Variants in COLEC11 observed in about 807,000 individuals in gnomAD.
The protein encoded by COLEC11 is collectin subfamily member 11, also known as collectin-11.
Under a neutral mutation model 27.3 loss-of-function variants are expected in COLEC11, and 20 were observed. The ratio of observed to expected loss-of-function variants is 0.73; its 90% CI spans 0.51 to 1.06. The LOEUF (loss-of-function observed/expected upper bound fraction) is 1.06, where lower values mean the gene tolerates loss of function less well. Ranked by LOEUF, COLEC11 falls within the 50% of genes least tolerant of loss-of-function variation. The pLI, the probability that COLEC11 is intolerant of heterozygous loss-of-function variation, is 0.00. For synonymous variants in COLEC11, 163 were observed against 154.7 expected (o/e 1.05, Z -0.40); for missense variants, 310 against 383.0 (o/e 0.81, Z 1.59).
intron 3 of COLEC11, among the ~76,000 whole-genome samples, chr2:3,620,480 C>G (rs1488854165): frequency 6.7e-6 from 1 of 149,604 alleles, no homozygotes; most frequent in Middle Eastern, 3.4e-3. Flanking sequence ...TTTTTTTTTG[C>G]CTTTTCAAAA....
In COLEC11 at chr2:3,641,779, G is replaced by A. The variant is rs978281716; in HGVS notation, c.328+1448G>A. Among the ~76,000 whole-genome samples, 3 of 152,298 alleles carry A rather than the reference G, an allele frequency of 2.0e-5. 1 individual carries two copies. Among genetic ancestry groups the A allele is most frequent in the South Asian group, 4.1e-4 (2 of 4,830 alleles). ...GTTTGGGCTCTACGTGATTGCCGAC[G>A]TCCAGAAAGAGGGATTGAACTTCTA... On this transcript the variant is annotated intron_variant, in intron 5 of 6. Coordinates refer to ENST00000349077, the MANE Select transcript of COLEC11 (RefSeq NM_024027.5).
chr2:3,606,073 C>T, intron 2 of COLEC11: 9 of 1,549,294 alleles, frequency 5.8e-6, no homozygotes, highest in Non-Finnish European at 7.9e-6. Context: ...GTGAAAGTGG[C>T]TTTGGCCCTG....
In COLEC11 at chr2:3,617,483, A is replaced by G. The variant is rs1004934273; in HGVS notation, c.202+4101A>G. The G allele has an allele frequency of 1.9e-5, 27 of 1,391,964 alleles. 1 individual carries two copies. Among genetic ancestry groups the G allele is most frequent in the East Asian group, 1.8e-4 (8 of 43,888 alleles). The allele number at this position is 1,391,964 out of a possible 1,614,324, so 86.2% of individuals were successfully genotyped here. On this transcript the variant is annotated intron_variant, in intron 3 of 6. Transcript: ENST00000349077. Reference sequence around the variant, plus strand: ...TGCATCTTACAAAGCTAAACAGCTAAAAGAAGTAAAATAAGAAGGCAATGC... The same window carrying G: ...TGCATCTTACAAAGCTAAACAGCTAGAAGAAGTAAAATAAGAAGGCAATGC...
At chr2:3,611,414 C>T (rs975812979) in intron 2 of COLEC11, among the ~76,000 whole-genome samples, 3 of 152,216 alleles carry the variant, frequency 2.0e-5, no homozygotes, top group Non-Finnish European at 4.4e-5. Context: ...CTCCATTCAC[C>T]GATTGCACAG....
chr2:3,641,798 ACTT>A (rs571302408), intron 5 of COLEC11, among the ~76,000 whole-genome samples: 54 of 152,216 alleles, frequency 3.5e-4, no homozygotes, highest in African/African-American at 1.2e-3. Flanking sequence ...GAGGGATTGA[ACTT>A]CTACAGGATA....
chr2:3,595,494 T>C (rs1181857577), intron 1 of COLEC11, among the ~76,000 whole-genome samples: 2 of 152,248 alleles, frequency 1.3e-5, no homozygotes, highest in Non-Finnish European at 2.9e-5. Flanking sequence ...CAGTCTTCGC[T>C]AATTCCAAAC....
At chr2:3,619,397 G>T (rs1316882698) in intron 3 of COLEC11, among the ~76,000 whole-genome samples, 1 of 152,164 alleles carries the variant, frequency 6.6e-6, no homozygotes, top group Non-Finnish European at 1.5e-5. Flanking sequence ...TATGATGTTA[G>T]CTGTGGACTT....
In COLEC11 at chr2:3,602,154, C is replaced by A. The variant is rs1228883000; in HGVS notation, c.-26-2161C>A. The stretch of plus-strand genomic sequence containing the variant: ...ACGGGGCTGTTGATGTGGGAAGCCC[C>A]CCACCACAGATGGCCTTTCTCTAGC... On this transcript the variant is annotated intron_variant, in intron 1 of 6. Transcript: ENST00000349077. This position sits in a 1 kb window ranked among gnomAD's most constrained non-coding sequence, Gnocchi z 6.2. 2 of 152,214 alleles carry A rather than the reference C, an allele frequency of 1.3e-5. No individual in the cohort carries two copies. Among genetic ancestry groups the A allele is most frequent in the Admixed American group, 1.3e-4 (2 of 15,280 alleles). 9.4% of individuals were successfully genotyped at this position (152,214 alleles called of 1,614,324 possible). A position where few individuals can be genotyped will look rare whatever the true frequency, so the allele number is the denominator to read the frequency against.
Position 3,644,080 on chromosome 2 carries a change from A to G in COLEC11, c.778A>G (p.Met260Val), listed in dbSNP as rs1424717283. The G allele has an allele frequency of 7.4e-6, 12 of 1,613,484 alleles. No individual in the cohort carries two copies. Among genetic ancestry groups the G allele is most frequent in the Non-Finnish European group, 1.0e-5 (12 of 1,180,030 alleles). ...GWNDVACHTTMYFMCEFDKEN... is the reference protein window; with the variant it reads ...GWNDVACHTTVYFMCEFDKEN... ...GAACGACGTGGCCTGCCACACCACC[A>G]TGTACTTCATGTGTGAGTTTGACAA... Residue 260 changes from methionine (M) to valine (V), a missense_variant, in exon 7 of 7, where the codon ATG becomes GTG. Transcript: ENST00000349077.
chr2:3,597,210 T>G (rs571997367), intron 1 of COLEC11, among the ~76,000 whole-genome samples: 1 of 151,360 alleles, frequency 6.6e-6, no homozygotes, highest in African/African-American at 2.4e-5. Flanking sequence ...CGGCCTGGGC[T>G]GCTCCGGGGT....
intron 4 of COLEC11, among the ~76,000 whole-genome samples, chr2:3,639,860 G>A (rs1665712513): frequency 1.3e-5 from 2 of 151,536 alleles, no homozygotes; most frequent in Non-Finnish European, 1.5e-5. Context: ...ACCGACTCTT[G>A]GATTAGATGA....
At chr2:3,638,730 G>A (rs900368593) in intron 4 of COLEC11, among the ~76,000 whole-genome samples, 4 of 152,340 alleles carry the variant, frequency 2.6e-5, no homozygotes, top group African/African-American at 7.2e-5. Flanking sequence ...TCCCTGCCAC[G>A]GCCAATGCAG....
At chr2:3,605,018 C>G (rs1475132322) in intron 2 of COLEC11, 2 of 470,162 alleles carry the variant, frequency 4.3e-6, no homozygotes, top group Non-Finnish European at 8.8e-6. Flanking sequence ...AGAGATAGTT[C>G]TGCAGGTGAG....
At position 3,637,570 on chromosome 2, in the gene COLEC11, TC is replaced by T. The variant is rs1558517363; in HGVS notation, c.241del (p.Arg81ValfsTer20). On this transcript the variant is annotated frameshift_variant, in exon 4 of 7. Transcript: ENST00000349077. LOFTEE classifies it high-confidence loss of function. ...GDKGQKGSVG[R>X]HGKIGPIGSK... ...ACAAAGGACAGAAAGGCAGTGTGGG[TC>T]GTCATGGAAAAATTGGTCCCATTGG... The T allele has an allele frequency of 5.6e-6, 9 of 1,614,100 alleles. No individual in the cohort carries two copies. Among genetic ancestry groups the T allele is most frequent in the Non-Finnish European group, 7.6e-6 (9 of 1,180,002 alleles).
intron 3 of COLEC11, among the ~76,000 whole-genome samples, chr2:3,626,413 C>G (rs1010363258): frequency 6.6e-6 from 1 of 151,996 alleles, no homozygotes; most frequent in Admixed American, 6.5e-5. Context: ...TTTTTCTGTA[C>G]CTGTAAAATG....
Position 3,634,756 on chromosome 2 carries a change from G to A in COLEC11, c.203-2777G>A, listed in dbSNP as rs371551727. On this transcript the variant is annotated intron_variant, in intron 3 of 6. Transcript: ENST00000349077. ...AGGCTGCCGTGGAGAGGGATTCAGA[G>A]GAGGGCAGGGCTGGCCCCCTGACGA... Among the ~76,000 whole-genome samples the A allele has an allele frequency of 1.7e-4, 26 of 152,202 alleles. 1 individual carries two copies. The East Asian group carries it at 4.1e-3, about 24-fold the overall frequency.
chr2:3,615,739 G>A (rs1003853891), intron 3 of COLEC11, among the ~76,000 whole-genome samples: 7 of 143,462 alleles, frequency 4.9e-5, no homozygotes, highest in East Asian at 2.2e-4. Context: ...CCCCCACCTC[G>A]CGGACAGGGC....
intron 2 of COLEC11, among the ~76,000 whole-genome samples, chr2:3,609,043 G>A (rs1354662000): frequency 6.6e-6 from 1 of 152,228 alleles, no homozygotes; most frequent in Non-Finnish European, 1.5e-5. Flanking sequence ...AGGCACAGCC[G>A]TGAGGCATTT....
chr2:3,613,564 A>G (rs1484239424), intron 3 of COLEC11, among the ~76,000 whole-genome samples, 182 bp downstream of exon 3: 2 of 152,094 alleles, frequency 1.3e-5, no homozygotes, highest in Non-Finnish European at 2.9e-5. Context: ...GTCCTTCAGC[A>G]CTGCTCCTTG....
Sources: gnomAD v4.1 joint callset for allele counts (sites outside exome capture counted in the v4.1 genomes callset) on GRCh38, gnomAD v4.1.1 for gene constraint, Gnocchi (gnomAD v3.1) non-coding constraint, MANE v1.5 for transcripts, NCBI Gene and HGNC (gene_info 2026-07-23, HGNC 2026-07-21) for gene names.